AXIN1: variants seen among roughly 807,000 people sequenced by gnomAD.
The protein encoded by AXIN1 is axin 1.
AXIN1 carries 30 observed loss-of-function variants against 76.4 expected under a neutral mutation model. The observed-to-expected ratio is 0.39, with a 90% confidence interval of 0.29 to 0.53. The LOEUF (loss-of-function observed/expected upper bound fraction) is 0.53. Among genes scored for constraint, AXIN1 ranks in the 20% least tolerant of loss-of-function variants. The pLI is 0.66. For missense variants in AXIN1, 1,140 were observed against 1,198.8 expected (o/e 0.95, Z 0.72); for synonymous variants, 545 against 501.4 (o/e 1.09, Z -1.16).
chr16:316,419 C>T (rs926519501), intron 2 of AXIN1, among the ~76,000 whole-genome samples: 4 of 152,246 alleles, frequency 2.6e-5, no homozygotes, highest in Admixed American at 2.0e-4. Flanking sequence ...GTGCCCCTTC[C>T]GGGCGCTCTG....
chr16:288,419 A>T lies in AXIN1; in HGVS notation c.2463-171T>A, dbSNP rs916155942. 9 of 979,298 alleles carry T rather than the reference A, an allele frequency of 9.2e-6. No individual in the cohort carries two copies. In the African/African-American group the frequency reaches 1.5e-4, roughly 16 times the overall value. The allele number at this position is 979,298 out of a possible 1,614,324, so 60.7% of individuals were successfully genotyped here. On this transcript the variant is annotated intron_variant, in intron 10 of 10. Coordinates refer to ENST00000262320, the MANE Select transcript of AXIN1 (RefSeq NM_003502.4). ...CAGGGCAACAGTGAACAGTGCAATG[A>T]CCACATGTGGGTGAAGTGGGCAGCC...
At chr16:316,212 G>C (rs1002185661) in intron 2 of AXIN1, among the ~76,000 whole-genome samples, 1 of 151,762 alleles carries the variant, frequency 6.6e-6, no homozygotes, top group African/African-American at 2.4e-5. Flanking sequence ...CACCTGAAAT[G>C]TGTGTATACA....
chr16:288,271 G>T (rs1336927056), intron 10 of AXIN1, 23 bp from the exon 11 acceptor site: 2 of 1,613,296 alleles, frequency 1.2e-6, no homozygotes, highest in East Asian at 2.2e-5. Context: ...GGTGAGGAGG[G>T]CAGTGAGCAG....
intron 4 of AXIN1, among the ~76,000 whole-genome samples, chr16:307,639 C>G (rs1052032947): frequency 2.2e-4 from 33 of 152,222 alleles, no homozygotes; most frequent in Admixed American, 1.6e-3. Flanking sequence ...ACAAGGTGCA[C>G]ACAGCCTGGG....
chr16:301,915 C>T (rs1344375810), intron 5 of AXIN1, among the ~76,000 whole-genome samples: 1 of 152,242 alleles, frequency 6.6e-6, no homozygotes, highest in Non-Finnish European at 1.5e-5. Flanking sequence ...CCTTCACCTG[C>T]CACCCAAATG....
chr16:290,868 G>A (rs1391156830), intron 9 of AXIN1: 2 of 453,410 alleles, frequency 4.4e-6, no homozygotes, highest in African/African-American at 2.0e-5. Flanking sequence ...CAAGCCGGGT[G>A]GAGGCGCAGG....
intron 4 of AXIN1, among the ~76,000 whole-genome samples, chr16:306,981 TGGAGGCTG>T (rs1345231588): frequency 6.6e-6 from 1 of 152,128 alleles, no homozygotes; most frequent in African/African-American, 2.4e-5. Context: ...ACCCGGGGCC[TGGAGGCTG>T]GGTGGCTGGG....
At chr16:331,248 A>C (rs1404342860) in intron 2 of AXIN1, among the ~76,000 whole-genome samples, 1 of 152,242 alleles carries the variant, frequency 6.6e-6, no homozygotes, top group Non-Finnish European at 1.5e-5. Flanking sequence ...GTACATGAAA[A>C]AAAAAATTCT....
chr16:303,657 ACAGGTGTGAGCCACT>A (rs2052935526), intron 5 of AXIN1, among the ~76,000 whole-genome samples: 1 of 152,074 alleles, frequency 6.6e-6, no homozygotes, highest in South Asian at 2.1e-4. Flanking sequence ...TGCTGGGATT[ACAGGTGTGAGCCACT>A]CGCCCGCCCG....
At position 293,626 on chromosome 16, in the gene AXIN1, A is replaced by G. The variant is rs1471821361; in HGVS notation, c.2048T>C (p.Val683Ala). 1.2e-6 allele frequency: 2 copies of G among 1,613,330 alleles called. No individual in the cohort carries two copies. The highest frequency in any genetic ancestry group is 1.7e-6 in the Non-Finnish European group (2 of 1,179,978). ...TTGGATGAAGAGGTGGGAGGGCTGC[A>G]CGGAGGTCCGGAGCTGAGGGCCGGC... is the stretch of plus-strand genomic sequence containing the variant. The part of the protein sequence containing the change: ...PWAGPQLRTS[V>A]QPSHLFIQDP... The change falls in exon 8 of 11, where the codon GTG becomes GCG. Residue 683 changes from valine to alanine, a missense_variant. Physicochemically the swap from Val to Ala is moderately conservative, Grantham distance 64 (BLOSUM62 0). Coordinates refer to ENST00000262320, the MANE Select transcript of AXIN1 (RefSeq NM_003502.4). The surrounding 1 kb of genome is among the most constrained non-coding windows in gnomAD (Gnocchi z 4.6).
At chr16:343,810 A>C (rs1185127935) in intron 2 of AXIN1, among the ~76,000 whole-genome samples, 1 of 151,922 alleles carries the variant, frequency 6.6e-6, no homozygotes, top group Admixed American at 6.6e-5. Flanking sequence ...GCTCGAGACC[A>C]TCCTGGCCAA....
At chr16:329,272 CAAAAAAAAAAAA>C (rs1176095680) in intron 2 of AXIN1, among the ~76,000 whole-genome samples, 3 of 71,202 alleles carry the variant, frequency 4.2e-5, no homozygotes, top group African/African-American at 5.3e-5. Flanking sequence ...GCGAGACTGT[CAAAAAAAAAAAA>C]AAAAAAAAAA....
At chr16:347,527 T>C (rs931990691) in intron 1 of AXIN1, among the ~76,000 whole-genome samples, 59 of 152,186 alleles carry the variant, frequency 3.9e-4, no homozygotes, top group African/African-American at 1.3e-3. Context: ...CCCTCACAAG[T>C]AAGATGGAGA....
rs2052429979 is a variant in AXIN1, at chr16:287,945, T to C, written c.*177A>G. On this transcript the variant is annotated 3_prime_UTR_variant, in exon 11 of 11. Transcript: ENST00000262320. ...GCCTCCTTGGGGGCAGGACAGAAGC[T>C]TGTGGACCACTTGGAGGGACCCCCT... The C allele has an allele frequency of 9.7e-7, 1 of 1,030,590 alleles. No homozygotes were observed. The highest frequency in any genetic ancestry group is 1.8e-5 in the Admixed American group (1 of 56,118). The allele number at this position is 1,030,590 out of a possible 1,614,324, so 63.8% of individuals were successfully genotyped here.
At chr16:329,702 C>CAA (rs1212379862) in intron 2 of AXIN1, among the ~76,000 whole-genome samples, 1 of 152,112 alleles carries the variant, frequency 6.6e-6, no homozygotes, top group East Asian at 1.9e-4. Context: ...TGGCTCACTG[C>CAA]AAGCTCCGCC....
intron 2 of AXIN1, among the ~76,000 whole-genome samples, chr16:316,073 A>C (rs1337432845): frequency 2.6e-5 from 4 of 151,984 alleles, no homozygotes; most frequent in Admixed American, 6.6e-5. Flanking sequence ...TAAATAAATC[A>C]ATCAGATATT....
At chr16:342,688 C>A (rs1322413231) in intron 2 of AXIN1, among the ~76,000 whole-genome samples, 2 of 152,234 alleles carry the variant, frequency 1.3e-5, no homozygotes, top group African/African-American at 4.8e-5. Context: ...CACGTGCCCT[C>A]CTCAGAGCAA....
chr16:329,286 A>G (rs1362291409), intron 2 of AXIN1, among the ~76,000 whole-genome samples: 1 of 151,770 alleles, frequency 6.6e-6, no homozygotes, highest in Non-Finnish European at 1.5e-5. Context: ...AAAAAAAAAA[A>G]AAAAAAAAAG....
chr16:325,159 G>A (rs184484762), intron 2 of AXIN1, among the ~76,000 whole-genome samples: 44 of 152,228 alleles, frequency 2.9e-4, no homozygotes, highest in African/African-American at 7.9e-4. Context: ...GGGCGGCCCC[G>A]CACCCCAGGA....
Sources: gnomAD v4.1 joint callset for allele counts (sites outside exome capture counted in the v4.1 genomes callset) on GRCh38, gnomAD v4.1.1 for gene constraint, Gnocchi (gnomAD v3.1) non-coding constraint, MANE v1.5 for transcripts, NCBI Gene and HGNC (gene_info 2026-07-23, HGNC 2026-07-21) for gene names.